The following GRM8 variants were observed in gnomAD, a reference collection of about 807,000 sequenced individuals.
GRM8 encodes glutamate metabotropic receptor 8.
In GRM8, 47 loss-of-function variants were observed where a neutral mutation model predicts 87.2. The observed-to-expected ratio is 0.54, with a 90% confidence interval of 0.43 to 0.69. GRM8 has a LOEUF of 0.69. Among genes scored for constraint, GRM8 ranks in the 30% least tolerant of loss-of-function variants. GRM8 has a pLI of 0.00. For missense variants in GRM8, 1,019 were observed against 1,139.2 expected, an observed-to-expected ratio of 0.89 and a Z score of 1.52; for synonymous variants, 396 against 404.5, an observed-to-expected ratio of 0.98 and a Z score of 0.25.
intron 7 of GRM8, among the ~76,000 whole-genome samples, chr7:126,648,704 A>G (rs1803452543): frequency 1.3e-5 from 2 of 152,358 alleles, no homozygotes; most frequent in African/African-American, 4.8e-5. Context: ...CAAGTTGCAT[A>G]TCTAGAAACT....
chr7:126,683,317 T>G (rs1373124681), intron 7 of GRM8, among the ~76,000 whole-genome samples: 2 of 152,240 alleles, frequency 1.3e-5, no homozygotes, highest in East Asian at 3.9e-4. Flanking sequence ...TCTGTGCTGT[T>G]GCCTTAGCTC....
intron 2 of GRM8, among the ~76,000 whole-genome samples, chr7:127,116,016 C>T (rs1291726385): frequency 1.3e-5 from 2 of 151,972 alleles, no homozygotes; most frequent in South Asian, 4.2e-4. Context: ...CTTGGCAGGC[C>T]GAGGCTGCAA....
At chr7:126,759,612 T>C (rs557104273) in intron 7 of GRM8, among the ~76,000 whole-genome samples, 17 of 152,256 alleles carry the variant, frequency 1.1e-4, no homozygotes, top group Non-Finnish European at 2.1e-4. Flanking sequence ...GGCAGAAGCA[T>C]CCTTTCCAAC....
Position 126,477,236 on chromosome 7 carries a change from G to A in GRM8, c.2431-30864C>T, listed in dbSNP as rs149571134. 3.7e-3 allele frequency among the ~76,000 whole-genome samples: 567 copies of A among 152,150 alleles called. 6 individuals are homozygous for A. The highest frequency in any genetic ancestry group is 0.013 in the African/African-American group (531 of 41,520). On this transcript the variant is annotated intron_variant, in intron 9 of 10. Transcript: ENST00000339582. The stretch of plus-strand genomic sequence containing the variant: ...CTGAAATCTTGCTTGCCAGGAGCTG[G>A]TGGGTGGGGGAAATGGGGTAATGTT...
intron 6 of GRM8, among the ~76,000 whole-genome samples, chr7:126,841,863 A>T (rs1230361377): frequency 1.3e-5 from 2 of 151,852 alleles, no homozygotes; most frequent in African/African-American, 4.8e-5. Context: ...CGATCTCCTG[A>T]CCTCGTTATC....
At chr7:127,143,329 T>C (rs7804337) in intron 2 of GRM8, among the ~76,000 whole-genome samples, 15,373 of 152,160 alleles carry the variant, frequency 0.1, 2,625 homozygotes, top group African/African-American at 0.35. Context: ...GAAATTGTGA[T>C]AGCCTATTGT....
At chr7:126,830,102 G>C (rs1042394846) in intron 6 of GRM8, among the ~76,000 whole-genome samples, 1 of 152,170 alleles carries the variant, frequency 6.6e-6, no homozygotes, top group Non-Finnish European at 1.5e-5. Flanking sequence ...CCCTTTGAGG[G>C]TAACCCGAGC....
chr7:126,859,313 A>G (rs946211280), intron 6 of GRM8, among the ~76,000 whole-genome samples: 11 of 152,300 alleles, frequency 7.2e-5, no homozygotes, highest in African/African-American at 2.6e-4. Flanking sequence ...AAGTGAAGTC[A>G]ACTCCATGTC....
At chr7:127,129,759 G>A (rs918764052) in intron 2 of GRM8, among the ~76,000 whole-genome samples, 3 of 152,100 alleles carry the variant, frequency 2.0e-5, no homozygotes, top group Non-Finnish European at 4.4e-5. Context: ...ACTCTTTCTA[G>A]TTTGTCCTAG....
chr7:127,125,298 A>G (rs1322002525), intron 2 of GRM8, among the ~76,000 whole-genome samples: 2 of 152,250 alleles, frequency 1.3e-5, no homozygotes, highest in African/African-American at 2.4e-5. Flanking sequence ...AGATTAATGG[A>G]AAAAAGTGAA....
intron 9 of GRM8, among the ~76,000 whole-genome samples, chr7:126,501,791 G>T (rs1008221566): frequency 5.3e-5 from 8 of 151,970 alleles, no homozygotes; most frequent in Admixed American, 5.2e-4. Flanking sequence ...GCTACAAGAA[G>T]GGAGAATGAG....
chr7:126,735,271 A>G (rs1280802840), intron 7 of GRM8, among the ~76,000 whole-genome samples: 1 of 152,140 alleles, frequency 6.6e-6, no homozygotes, highest in Non-Finnish European at 1.5e-5. Flanking sequence ...ATATTCCAAA[A>G]GAAAAATAGG....
At chr7:126,711,935 T>C (rs1162934425) in intron 7 of GRM8, among the ~76,000 whole-genome samples, 7 of 152,252 alleles carry the variant, frequency 4.6e-5, no homozygotes, top group Non-Finnish European at 1.0e-4. Flanking sequence ...TGATCTTCTA[T>C]ACAGATGAAT....
intron 8 of GRM8, among the ~76,000 whole-genome samples, chr7:126,565,929 A>G (rs1372439957): frequency 6.6e-6 from 1 of 152,200 alleles, no homozygotes; most frequent in African/African-American, 2.4e-5. Flanking sequence ...AGAATATACA[A>G]TGGGGAAAGG....
rs760855921 is a variant in GRM8 at position 126,902,570 on chromosome 7, T to C, written c.1128A>G (p.Lys376=). The C allele has an allele frequency of 3.1e-6, 5 of 1,608,460 alleles. No homozygotes were observed. The East Asian group carries it at 1.1e-4, about 36-fold the overall frequency. The part of the protein sequence containing the change: ...NFGCKLGSHG[K]RNSHIKKCTG... ...TGCATTTCTTTATATGACTGTTCCTTTTCCCATGTGATCCTAACTTGCAGC... is the reference window on the plus strand; with the variant it reads ...TGCATTTCTTTATATGACTGTTCCTCTTCCCATGTGATCCTAACTTGCAGC... Residue 376 remains lysine, a synonymous_variant, in exon 6 of 11, where the codon AAA becomes AAG. Transcript: ENST00000339582.
chr7:126,602,325 G>A (rs978819193), intron 8 of GRM8, among the ~76,000 whole-genome samples: 2 of 144,268 alleles, frequency 1.4e-5, no homozygotes, highest in African/African-American at 2.5e-5. Context: ...ATGCTGTTTT[G>A]GTTACTGTAG....
At chr7:126,912,046 A>T (rs1368373551) in intron 3 of GRM8, among the ~76,000 whole-genome samples, 1 of 152,020 alleles carries the variant, frequency 6.6e-6, no homozygotes, top group Non-Finnish European at 1.5e-5. Context: ...TACAAAAAAA[A>T]ATTAGCTGGG....
chr7:126,980,595 C>A (rs1397596643), intron 3 of GRM8, among the ~76,000 whole-genome samples: 2 of 152,230 alleles, frequency 1.3e-5, no homozygotes. Flanking sequence ...ACTTTTCAAT[C>A]ATCAGTTTTA....
intron 8 of GRM8, among the ~76,000 whole-genome samples, chr7:126,579,493 G>T (rs1795412937): frequency 6.6e-6 from 1 of 152,188 alleles, no homozygotes; most frequent in Admixed American, 6.6e-5. Flanking sequence ...ACTGGAATCA[G>T]CCTCAACACT....
Sources: allele counts gnomAD v4.1 joint callset (sites outside exome capture counted in the v4.1 genomes callset), GRCh38; gene constraint gnomAD v4.1.1; transcripts MANE v1.5; gene names NCBI Gene and HGNC (gene_info 2026-07-23, HGNC 2026-07-21).